The following KANSL1 variants were observed in gnomAD, a reference collection of about 807,000 sequenced individuals.
The protein encoded by KANSL1 is KAT8 regulatory NSL complex subunit 1.
A neutral mutation model predicts 103.6 loss-of-function variants in KANSL1; 22 were observed. The observed-to-expected ratio is 0.21, with a 90% CI of 0.15 to 0.30. The LOEUF is 0.30. Among genes scored for constraint, KANSL1 ranks in the 10% least tolerant of loss-of-function variants. The probability of loss-of-function intolerance (pLI) is 1.00; values close to 1 mark genes in which losing one functional copy is unlikely to be tolerated. For missense variants in KANSL1, 1,337 were observed against 1,399.8 expected (o/e 0.96, Z 0.72); for synonymous variants, 600 against 527.6 (o/e 1.14, Z -1.88).
intron 1 of KANSL1, among the ~76,000 whole-genome samples, chr17:46,185,386 T>C (rs1180168524): frequency 2.6e-5 from 4 of 152,196 alleles, no homozygotes; most frequent in South Asian, 2.1e-4. Flanking sequence ...ACCAAGCACC[T>C]GTACCCAGAC....
chr17:46,220,589 T>G lies in KANSL1; in HGVS notation c.-90+3082A>C, dbSNP rs375823427. On this transcript the variant is annotated intron_variant, in intron 1 of 14. Transcript: ENST00000572904. ...GAAAGTGTAAAAAGATATAATGCAA[T>G]GAGAAGTCTCCTTCCTACTCTGTCC... 2.6e-5 allele frequency among the ~76,000 whole-genome samples: 4 copies of G among 152,398 alleles called. No individual in the cohort carries two copies. In the South Asian group the frequency reaches 8.3e-4, roughly 32 times the overall value.
At chr17:46,036,118 T>A (rs966314274) in intron 10 of KANSL1, among the ~76,000 whole-genome samples, 1 of 152,150 alleles carries the variant, frequency 6.6e-6, no homozygotes, top group Non-Finnish European at 1.5e-5. Context: ...GAGGTCTCAC[T>A]ATGTTGTCCA....
intron 1 of KANSL1, among the ~76,000 whole-genome samples, chr17:46,175,310 CTGTGTG>C (rs71138529): frequency 0.12 from 16,868 of 137,328 alleles, 682 homozygotes; most frequent in East Asian, 0.28. Context: ...TGTCTTATTG[CTGTGTG>C]TGTGTGTGTG....
chr17:46,072,344 T>C (rs2078609501), intron 4 of KANSL1, among the ~76,000 whole-genome samples: 1 of 152,190 alleles, frequency 6.6e-6, no homozygotes. Flanking sequence ...CACACCTGCT[T>C]GCAATGTCAT....
At chr17:46,093,407 G>C (rs546828853) in intron 3 of KANSL1, 5 of 152,374 alleles carry the variant, frequency 3.3e-5, no homozygotes, top group East Asian at 3.9e-4. Context: ...GAACAAACTA[G>C]TAAGAATAAA....
At chr17:46,156,478 C>A (rs1283645095) in intron 2 of KANSL1, among the ~76,000 whole-genome samples, 1 of 152,240 alleles carries the variant, frequency 6.6e-6, no homozygotes, top group Admixed American at 6.5e-5. Context: ...CTTCCTATCA[C>A]CTCAGCCTAC....
In KANSL1 at chr17:46,171,843, C is replaced by A; in HGVS notation, c.301G>T (p.Val101Phe). 1 of 1,614,204 alleles carries A rather than the reference C, an allele frequency of 6.2e-7. No homozygotes were observed. Among genetic ancestry groups the A allele is most frequent in the Non-Finnish European group, 8.5e-7 (1 of 1,180,016 alleles). Residue 101 changes from valine to phenylalanine, a missense_variant, in exon 2 of 15, where the codon GTC (valine) becomes TTC (phenylalanine). By Grantham distance (50) the Val-to-Phe change is conservative. Coordinates refer to ENST00000432791, the MANE Select transcript of KANSL1 (RefSeq NM_015443.4). Reference sequence around the variant, plus strand: ...TTAAGGACTGTCTGCTTGCTGAAGACCCCTTGCAACTTCAAAGACTCCTTT... The same window carrying A: ...TTAAGGACTGTCTGCTTGCTGAAGAACCCTTGCAACTTCAAAGACTCCTTT... ...PSKESLKLQGVFSKQTVLKSH... is the reference protein window; with the variant it reads ...PSKESLKLQGFFSKQTVLKSH...
At chr17:46,034,540 T>C in intron 10 of KANSL1, 1 of 402,988 alleles carries the variant, frequency 2.5e-6, no homozygotes, top group Non-Finnish European at 4.5e-6. Flanking sequence ...CTTCAAGGGC[T>C]CATGCGTAAA....
chr17:46,085,116 T>C (rs945081692), intron 3 of KANSL1, among the ~76,000 whole-genome samples: 8 of 152,194 alleles, frequency 5.3e-5, no homozygotes, highest in African/African-American at 1.7e-4. Context: ...GTTAGTGTTA[T>C]ACCAATCTCA....
In KANSL1 at chr17:46,123,105, A is replaced by G. The variant is rs553579617; in HGVS notation, c.1290-28404T>C. 2.7e-3 allele frequency among the ~76,000 whole-genome samples: 406 copies of G among 152,380 alleles called. 6 individuals are homozygous for G. Among genetic ancestry groups the G allele is most frequent in the Non-Finnish European group, 1.4e-3 (94 of 68,046 alleles). ...AGAATTTTTTTTAGAGACGGGGCGC[A>G]GTGGCTCATGCCTGTAATCCCAACA... On this transcript the variant is annotated intron_variant, in intron 2 of 14. Coordinates refer to ENST00000432791, the MANE Select transcript of KANSL1 (RefSeq NM_015443.4).
At chr17:46,064,943 A>G (rs1483459074) in intron 6 of KANSL1, among the ~76,000 whole-genome samples, 2 of 151,872 alleles carry the variant, frequency 1.3e-5, no homozygotes, top group South Asian at 2.1e-4. Context: ...CAGGTTAGTT[A>G]CATATGTATA....
chr17:46,031,800 A>G lies in KANSL1; in HGVS notation c.3091-97T>C. The stretch of plus-strand genomic sequence containing the variant: ...CAAACCTTGTGGCCTGGAGCCTAGG[A>G]CCAGTCTATCTAGTGTTCCTGCGAC... On this transcript the variant is annotated intron_variant, in intron 14 of 14. Transcript: ENST00000432791. 4 of 1,216,166 alleles carry G rather than the reference A, an allele frequency of 3.3e-6. No individual in the cohort carries two copies. In the South Asian group the frequency reaches 5.7e-5, roughly 17 times the overall value. The allele number at this position is 1,216,166 out of a possible 1,614,324, so 75.3% of individuals were successfully genotyped here.
intron 4 of KANSL1, among the ~76,000 whole-genome samples, chr17:46,077,385 T>C (rs994391945): frequency 1.3e-5 from 2 of 151,868 alleles, no homozygotes; most frequent in African/African-American, 2.4e-5. Context: ...TTTTTCCTAA[T>C]TGTAGACCAA....
intron 4 of KANSL1, among the ~76,000 whole-genome samples, chr17:46,073,098 T>C (rs974292): frequency 0.14 from 21,800 of 152,264 alleles, 2,131 homozygotes; most frequent in Non-Finnish European, 0.22. Context: ...GCCAATGAAC[T>C]ACTCACTGTC....
At chr17:46,127,322 A>G (rs910411814) in intron 2 of KANSL1, among the ~76,000 whole-genome samples, 6 of 152,250 alleles carry the variant, frequency 3.9e-5, no homozygotes, top group African/African-American at 1.2e-4. Context: ...GGAAAAAAAG[A>G]ACAATAAAAA....
chr17:46,042,238 T>G (rs909081299), intron 7 of KANSL1: 5 of 152,176 alleles, frequency 3.3e-5, no homozygotes, highest in Non-Finnish European at 5.9e-5. Flanking sequence ...TTATGGGGTT[T>G]TGGGTCCCAT....
At chr17:46,038,866 A>G in intron 9 of KANSL1, 161 bp downstream of exon 9, 1 of 1,103,062 alleles carries the variant, frequency 9.1e-7, no homozygotes, top group Non-Finnish European at 1.3e-6. Context: ...TTGCTGTAGC[A>G]GTTAAGAAGT....
chr17:46,074,481 G>A (rs2078687311), intron 4 of KANSL1, among the ~76,000 whole-genome samples: 1 of 152,034 alleles, frequency 6.6e-6, no homozygotes, highest in Non-Finnish European at 1.5e-5. Flanking sequence ...GTAGGAAAAA[G>A]TCATCAGTGA....
intron 3 of KANSL1, chr17:46,093,765 G>C (rs1228427165): frequency 1.3e-5 from 2 of 152,130 alleles, no homozygotes; most frequent in East Asian, 3.9e-4. Flanking sequence ...TTCTAGACAT[G>C]GGTCTACATA....
Sources: allele counts gnomAD v4.1 joint callset (sites outside exome capture counted in the v4.1 genomes callset), GRCh38; gene constraint gnomAD v4.1.1; transcripts MANE v1.5; gene names NCBI Gene and HGNC (gene_info 2026-07-23, HGNC 2026-07-21).